The following ATP5MC2 variants were observed in gnomAD, a reference collection of about 807,000 sequenced individuals.
ATP5MC2 encodes ATP synthase membrane subunit c locus 2.
A neutral mutation model predicts 13.5 loss-of-function variants in ATP5MC2; 11 were observed. That is an observed-to-expected ratio of 0.81 (90% CI 0.51 to 1.35). ATP5MC2 has a LOEUF of 1.35. ATP5MC2 is among the 40% of genes most tolerant of loss of function. The pLI, the probability that ATP5MC2 is intolerant of heterozygous loss-of-function variation, is 0.00. For synonymous variants in ATP5MC2, 64 were observed against 69.7 expected (o/e 0.92, Z 0.41); for missense variants, 132 against 175.0 (o/e 0.75, Z 1.39).
intron 2 of ATP5MC2, chr12:53,670,186 T>G: frequency 1.8e-6 from 1 of 548,076 alleles, no homozygotes; most frequent in Middle Eastern, 3.5e-4. Context: ...CTACTTCCTT[T>G]GGGCCATAAG....
In ATP5MC2 at chr12:53,669,934, T is replaced by C; in HGVS notation, c.54A>G (p.Ser18=). The change falls in exon 3 of 5, where the codon TCA becomes TCG. Residue 18 remains serine (S), a synonymous_variant. Coordinates refer to ENST00000394349, the MANE Select transcript of ATP5MC2 (RefSeq NM_005176.7). ...VSTPSLVKST[S]QLLSRPLSAV... is the part of the protein sequence containing the mutation. ...CAGATAGCGGACGGCTCAGCAGCTG[T>C]GAGGTGCTCTTGACCTAGCAGGAAT... The C allele has an allele frequency of 1.9e-6, 3 of 1,613,850 alleles. No individual in the cohort carries two copies. The South Asian group carries it at 3.3e-5, about 18-fold the overall frequency.
upstream of ATP5MC2, among the ~76,000 whole-genome samples, chr12:53,677,564 G>T (rs1945308405): frequency 6.6e-6 from 1 of 152,254 alleles, no homozygotes; most frequent in Non-Finnish European, 1.5e-5. Flanking sequence ...AAAGGGAGGG[G>T]AAGGAGTGGG....
At chr12:53,665,955 G>C (rs10876478) in intron 4 of ATP5MC2, among the ~76,000 whole-genome samples, 26,330 of 152,180 alleles carry the variant, frequency 0.17, 2,941 homozygotes, top group East Asian at 0.56. Context: ...GAAGACAAGA[G>C]TAAGAGGGAC....
At chr12:53,669,050 T>C (rs896967444) in intron 4 of ATP5MC2, 98 bp downstream of exon 4, 1 of 1,386,488 alleles carries the variant, frequency 7.2e-7, no homozygotes, top group African/African-American at 1.5e-5. Flanking sequence ...ATGTAGCTAG[T>C]GGCTACAGTG....
chr12:53,665,800 A>C (rs1479909937), intron 4 of ATP5MC2, among the ~76,000 whole-genome samples: 2 of 152,218 alleles, frequency 1.3e-5, no homozygotes, highest in African/African-American at 4.8e-5. Flanking sequence ...GCAGAACTCC[A>C]ATATAGTAAA....
chr12:53,669,247 G>A lies in ATP5MC2; in HGVS notation c.212C>T (p.Ala71Val). ...TSAISRDIDTAAKFIGAGAAT... is the reference protein window; with the variant it reads ...TSAISRDIDTVAKFIGAGAAT... ...AGCCCCAGCTCCAATGAACTTGGCTGCTGTGTCGATGTCCCTTGAAATGGC... is the reference window on the plus strand; with the variant it reads ...AGCCCCAGCTCCAATGAACTTGGCTACTGTGTCGATGTCCCTTGAAATGGC... Residue 71 changes from alanine (A) to valine (V), a missense_variant, in exon 4 of 5, where the codon GCA (alanine) becomes GTA (valine). Transcript: ENST00000394349. The A allele has an allele frequency of 6.2e-7, 1 of 1,614,104 alleles. No homozygotes were observed. The highest frequency in any genetic ancestry group is 1.7e-4 in the Middle Eastern group (1 of 6,060).
chr12:53,677,667 T>C (rs1361599396), upstream of ATP5MC2, among the ~76,000 whole-genome samples: 8 of 152,170 alleles, frequency 5.3e-5, no homozygotes, highest in African/African-American at 1.9e-4. Flanking sequence ...TTCTCACAGG[T>C]TCCTCTGAAA....
upstream of ATP5MC2, chr12:53,677,239 A>G (rs2120424292): frequency 6.5e-6 from 1 of 152,676 alleles, no homozygotes; most frequent in African/African-American, 2.4e-5. Flanking sequence ...CCTCCATTTA[A>G]TCGGATTTGG....
intron 4 of ATP5MC2, among the ~76,000 whole-genome samples, chr12:53,666,082 C>T (rs768446757): frequency 3.7e-4 from 56 of 151,880 alleles, no homozygotes; most frequent in Non-Finnish European, 5.2e-4. Flanking sequence ...CCAAAGCAGG[C>T]GGATCACTTG....
At chr12:53,667,456 C>CT (rs1336059703) in intron 4 of ATP5MC2, among the ~76,000 whole-genome samples, 4 of 152,084 alleles carry the variant, frequency 2.6e-5, no homozygotes, top group Non-Finnish European at 5.9e-5. Flanking sequence ...CGCATATAGT[C>CT]TCTTTTGCTT....
At chr12:53,672,394 G>GT (rs1379306000) in intron 2 of ATP5MC2, among the ~76,000 whole-genome samples, 182 bp downstream of exon 2, 2 of 151,936 alleles carry the variant, frequency 1.3e-5, no homozygotes, top group Non-Finnish European at 2.9e-5. Context: ...ACTGGTTTTC[G>GT]TTTTTTTAGT....
intron 2 of ATP5MC2, 121 bp downstream of exon 2, chr12:53,672,455 C>G: frequency 4.6e-6 from 5 of 1,084,536 alleles, no homozygotes; most frequent in Non-Finnish European, 6.8e-6. Context: ...CTCCTGGCCT[C>G]AAGTGATCTG....
At position 53,665,433 on chromosome 12, in the gene ATP5MC2, TAGA is replaced by T. The variant is rs771823239; in HGVS notation, c.312-8_312-6del. ...TGTTGCTTCAGAGAAGGGTTCCTGG[TAGA>T]AGGAGAAGAGAAAAGACTGAATTTC... is the stretch of plus-strand genomic sequence containing the variant. On this transcript the variant is annotated splice_region_variant and splice_polypyrimidine_tract_variant and intron_variant, in intron 4 of 4. Coordinates refer to ENST00000394349, the MANE Select transcript of ATP5MC2 (RefSeq NM_005176.7). The T allele has an allele frequency of 6.2e-7, 1 of 1,607,184 alleles. No individual in the cohort carries two copies. The highest frequency in any genetic ancestry group is 1.3e-5 in the African/African-American group (1 of 74,746).
chr12:53,666,871 G>A (rs1177723506), intron 4 of ATP5MC2, among the ~76,000 whole-genome samples: 1 of 151,490 alleles, frequency 6.6e-6, no homozygotes, highest in Non-Finnish European at 1.5e-5. Context: ...ATTTGAACCC[G>A]GGAGGCAGAG....
At chr12:53,674,693 T>TC (rs773692382) in intron 1 of ATP5MC2, among the ~76,000 whole-genome samples, 83 of 152,328 alleles carry the variant, frequency 5.4e-4, no homozygotes, top group Admixed American at 1.4e-3. Flanking sequence ...CAAAAGATCT[T>TC]CCCACCTTGG....
chr12:53,677,716 A>G (rs941358431), upstream of ATP5MC2, among the ~76,000 whole-genome samples: 9 of 152,166 alleles, frequency 5.9e-5, no homozygotes, highest in Non-Finnish European at 1.2e-4. Context: ...TTGCGCCCCG[A>G]GCGGGCAGGT....
Position 53,670,627 on chromosome 12 carries a change from T to TC in ATP5MC2, c.40-680_40-679insG, listed in dbSNP as rs201746347. Among the ~76,000 whole-genome samples the TC allele has an allele frequency of 2.7e-5, 4 of 148,460 alleles. No homozygotes were observed. In the East Asian group the frequency reaches 8.2e-4, roughly 30 times the overall value. ...AGTATGGTTTCTTTCTTTCTTTCTT[T>TC]TTTTTTTTTGAGACGGAGTCTTGCT... On this transcript the variant is annotated intron_variant, in intron 2 of 4. Transcript: ENST00000394349.
chr12:53,678,935 T>C (rs1443486647), upstream of ATP5MC2, among the ~76,000 whole-genome samples: 1 of 152,158 alleles, frequency 6.6e-6, no homozygotes, highest in Non-Finnish European at 1.5e-5. Flanking sequence ...GTTGGCAGCC[T>C]CCCTGCCCAG....
chr12:53,667,971 ATATATATATATATATATATATAT>A (rs1565625259), intron 4 of ATP5MC2, among the ~76,000 whole-genome samples: 5 of 50,196 alleles, frequency 1.0e-4, no homozygotes, highest in African/African-American at 5.6e-4. Flanking sequence ...ATATATATAT[ATATATATATATATATATATATAT>A]AAATTTTTTT....
Sources: allele counts gnomAD v4.1 joint callset (sites outside exome capture counted in the v4.1 genomes callset), GRCh38; gene constraint gnomAD v4.1.1; transcripts MANE v1.5; gene names NCBI Gene and HGNC (gene_info 2026-07-23, HGNC 2026-07-21).